Variants in RIF1 observed in about 807,000 individuals in gnomAD.
The protein encoded by RIF1 is replication timing regulatory factor 1, also known as telomere-associated protein RIF1.
RIF1 carries 45 observed loss-of-function variants against 247.1 expected under a neutral mutation model. The ratio of observed to expected loss-of-function variants is 0.18; its 90% CI spans 0.14 to 0.23. The LOEUF is 0.23. Among genes scored for constraint, RIF1 ranks in the 10% least tolerant of loss-of-function variants. The pLI is 1.00. For missense variants in RIF1, 2,967 were observed against 2,862.5 expected (o/e 1.04, Z -0.83); for synonymous variants, 1,087 against 978.8 (o/e 1.11, Z -2.06).
At chr2:151,421,061 ATTAC>A (rs1688084422) in intron 7 of RIF1, among the ~76,000 whole-genome samples, 2 of 152,208 alleles carry the variant, frequency 1.3e-5, no homozygotes. Context: ...TTTTCTAGTT[ATTAC>A]TTGCCACAGG....
rs775183300 is a variant in RIF1, at chr2:151,464,496, A to G, written c.4976A>G (p.Tyr1659Cys). The G allele has an allele frequency of 6.2e-7, 1 of 1,612,634 alleles. No homozygotes were observed. Among genetic ancestry groups the G allele is most frequent in the East Asian group, 2.2e-5 (1 of 44,858 alleles). The change falls in exon 30 of 36, where the codon TAT (tyrosine) becomes TGT (cysteine). Residue 1659 changes from tyrosine (Y) to cysteine (C), a missense_variant. Coordinates refer to ENST00000444746, the MANE Select transcript of RIF1 (RefSeq NM_018151.5). ...VCEEKNETSK[Y>C]AEYSFTSLPV... ...GAGGAAAAAAATGAAACTAGCAAAT[A>G]TGCAGAATATTCCTTTACAAGTCTA...
At chr2:151,413,102 A>T (rs939033631) in intron 3 of RIF1, among the ~76,000 whole-genome samples, 2 of 151,450 alleles carry the variant, frequency 1.3e-5, no homozygotes, top group Non-Finnish European at 2.9e-5. Flanking sequence ...CTGGAGTGCA[A>T]TGGCTTGAAC....
rs1324933272 is a variant in RIF1 at position 151,410,454 on chromosome 2, C to T, written c.31C>T (p.Pro11Ser). 2 of 1,614,018 alleles carry T rather than the reference C, an allele frequency of 1.2e-6. No homozygotes were observed. Among genetic ancestry groups the T allele is most frequent in the African/African-American group, 1.3e-5 (1 of 75,052 alleles). MTARGQSPLA[P>S]LLETLEDPSA... Reference sequence around the variant, plus strand: ...GGCCAGGGGTCAGAGCCCCCTCGCGCCGCTGTTGGAGACTTTGGAAGACCC... The same window carrying T: ...GGCCAGGGGTCAGAGCCCCCTCGCGTCGCTGTTGGAGACTTTGGAAGACCC... The change falls in exon 2 of 36, where the codon CCG becomes TCG. Residue 11 changes from proline (P) to serine (S), a missense_variant. This residue lies in a region of RIF1 where 269 missense variants were observed against 288.6 expected (regional missense o/e 0.93). Coordinates refer to ENST00000444746, the MANE Select transcript of RIF1 (RefSeq NM_018151.5).
At position 151,463,995 on chromosome 2, in the gene RIF1, A is replaced by G; in HGVS notation, c.4475A>G (p.Glu1492Gly). 1 of 1,607,988 alleles carries G rather than the reference A, an allele frequency of 6.2e-7. No homozygotes were observed. Among genetic ancestry groups the G allele is most frequent in the Non-Finnish European group, 8.5e-7 (1 of 1,178,572 alleles). The change falls in exon 30 of 36, where the codon GAA (glutamate) becomes GGA (glycine). Residue 1492 changes from glutamate to glycine, a missense_variant. By Grantham distance (98) the Glu-to-Gly change is moderately conservative (BLOSUM62 -2). Around this residue, in one of 7 missense-constraint regions of RIF1, gnomAD observed 2,028 missense variants for 1,825.6 expected, o/e 1.11. Transcript: ENST00000444746. ...GSNLHEKTLG[E>G]TSANAETEQN... ...AATTTACATGAGAAGACTCTTGGGG[A>G]AACTAGTGCTAATGCAGAAACTGAA...
chr2:151,456,177 C>T (rs538335495), intron 22 of RIF1, among the ~76,000 whole-genome samples: 1 of 152,242 alleles, frequency 6.6e-6, no homozygotes, highest in South Asian at 2.1e-4. Flanking sequence ...GTGGTTCATT[C>T]AGAAGACAGT....
Position 151,461,189 on chromosome 2 carries a change from G to A in RIF1, c.3127G>A (p.Glu1043Lys). 1 of 1,613,162 alleles carries A rather than the reference G, an allele frequency of 6.2e-7. No individual in the cohort carries two copies. Among genetic ancestry groups the A allele is most frequent in the South Asian group, 1.1e-5 (1 of 90,890 alleles). The change falls in exon 27 of 36, where the codon GAG becomes AAG. Residue 1043 changes from glutamate to lysine, a missense_variant. Coordinates refer to ENST00000444746, the MANE Select transcript of RIF1 (RefSeq NM_018151.5). ...AGTAAAGGGTGAAATTCTTTTGGAAGAGGAAAAGTCTACTGACTTTGTGTT... is the reference window on the plus strand; with the variant it reads ...AGTAAAGGGTGAAATTCTTTTGGAAAAGGAAAAGTCTACTGACTTTGTGTT... ...LKVKGEILLEEEKSTDFVFIP... is the reference protein window; with the variant it reads ...LKVKGEILLEKEKSTDFVFIP...
intron 20 of RIF1, among the ~76,000 whole-genome samples, chr2:151,448,192 C>T (rs376179354): frequency 6.6e-6 from 1 of 151,716 alleles, no homozygotes; most frequent in South Asian, 2.1e-4. Context: ...TACAGGTGTG[C>T]ACCACCATGC....
Position 151,464,523 on chromosome 2 carries a change from C to A in RIF1, c.5003C>A (p.Pro1668His). ...KYAEYSFTSLPVPESNLRTRN... is the reference protein window; with the variant it reads ...KYAEYSFTSLHVPESNLRTRN... ...GCAGAATATTCCTTTACAAGTCTAC[C>A]TGTGCCAGAATCAAATCTAAGGACT... The change falls in exon 30 of 36, where the codon CCT (proline) becomes CAT (histidine). Residue 1668 changes from proline to histidine, a missense_variant. By Grantham distance (77) the Pro-to-His change is moderately conservative. This residue lies in a region of RIF1 where 2,028 missense variants were observed against 1,825.6 expected (regional missense o/e 1.11). Coordinates refer to ENST00000444746, the MANE Select transcript of RIF1 (RefSeq NM_018151.5). 6.2e-7 allele frequency: 1 copy of A among 1,612,004 alleles called. No individual in the cohort carries two copies. Among genetic ancestry groups the A allele is most frequent in the South Asian group, 1.1e-5 (1 of 90,412 alleles).
At chr2:151,525,237 T>A in the RIF1 span, 1 of 1,613,958 alleles carries the variant, frequency 6.2e-7, no homozygotes, top group Non-Finnish European at 8.5e-7. Flanking sequence ...TAGTTGGATT[T>A]TCCTTTCTCC....
intron 8 of RIF1, among the ~76,000 whole-genome samples, chr2:151,427,330 C>G (rs1008957582): frequency 2.0e-5 from 3 of 151,832 alleles, no homozygotes; most frequent in Non-Finnish European, 4.4e-5. Context: ...CCTGTCTCAG[C>G]CTCCCGAGTA....
chr2:151,444,316 TTTG>T (rs1002752353), intron 18 of RIF1, among the ~76,000 whole-genome samples: 2 of 152,266 alleles, frequency 1.3e-5, no homozygotes, highest in Admixed American at 6.5e-5. Flanking sequence ...TTTTGTTGTT[TTTG>T]TTGTTGTTGA....
intron 4 of RIF1, among the ~76,000 whole-genome samples, chr2:151,415,891 A>G (rs1687141473): frequency 6.6e-6 from 1 of 152,132 alleles, no homozygotes; most frequent in South Asian, 2.1e-4. Flanking sequence ...AATCAAATGA[A>G]AAGGGTATTT....
rs1210879554 is a variant in RIF1 at position 151,480,130 on chromosome 2, A to G, written c.*5059A>G. On this transcript the variant is annotated 3_prime_UTR_variant, in exon 36 of 36. Transcript: ENST00000444746. ...TTCTCCAAAGAACAGTTAAAACCAA[A>G]TGTGTTATGGTAAGCTGTAAATACC... 5.3e-5 allele frequency: 8 copies of G among 152,176 alleles called. No homozygotes were observed. The highest frequency in any genetic ancestry group is 1.2e-4 in the Non-Finnish European group (8 of 68,006). 9.4% of individuals were successfully genotyped at this position (152,176 alleles called of 1,614,324 possible). A position where few individuals can be genotyped will look rare whatever the true frequency, so the allele number is the denominator to read the frequency against.
At chr2:151,412,556 C>A (rs180974908) in intron 3 of RIF1, among the ~76,000 whole-genome samples, 24 of 152,206 alleles carry the variant, frequency 1.6e-4, no homozygotes, top group African/African-American at 5.1e-4. Flanking sequence ...GGCACAATCT[C>A]AGCTCACTGC....
At chr2:151,522,992 T>C in the RIF1 span, among the ~76,000 whole-genome samples, 1 of 152,176 alleles carries the variant, frequency 6.6e-6, no homozygotes, top group Non-Finnish European at 1.5e-5. Flanking sequence ...CTCCATACCA[T>C]AGGATTCACT....
Position 151,464,010 on chromosome 2 carries a change from C to A in RIF1, c.4490C>A (p.Ala1497Glu). 1.2e-6 allele frequency: 2 copies of A among 1,609,660 alleles called. No individual in the cohort carries two copies. The highest frequency in any genetic ancestry group is 2.2e-5 in the South Asian group (2 of 90,142). Residue 1497 changes from alanine (A) to glutamate (E), a missense_variant, in exon 30 of 36, where the codon GCA (alanine) becomes GAA (glutamate). Physicochemically the swap from Ala to Glu is moderately radical, Grantham distance 107. Around this residue, in one of 7 missense-constraint regions of RIF1, gnomAD observed 2,028 missense variants for 1,825.6 expected, o/e 1.11. Coordinates refer to ENST00000444746, the MANE Select transcript of RIF1 (RefSeq NM_018151.5). ...EKTLGETSAN[A>E]ETEQNKKKAD... ...ACTCTTGGGGAAACTAGTGCTAATG[C>A]AGAAACTGAACAAAATAAAAAAAAG...
At chr2:151,462,793 G>A (rs1055113401) in intron 29 of RIF1, 91 bp from the exon 30 acceptor site, 45 of 941,772 alleles carry the variant, frequency 4.8e-5, no homozygotes, top group Non-Finnish European at 6.7e-5. Context: ...TTGGGTTACC[G>A]AAGTTTTACA....
chr2:151,454,874 T>A (rs1201127433), intron 21 of RIF1, 21 bp from the exon 22 acceptor site: 1 of 1,536,316 alleles, frequency 6.5e-7, no homozygotes, highest in Non-Finnish European at 8.8e-7. Flanking sequence ...AGTTTTTAAT[T>A]AATTCAGTTT....
chr2:151,531,757 A>C, the RIF1 span: 1 of 1,486,616 alleles, frequency 6.7e-7, no homozygotes, highest in Non-Finnish European at 9.3e-7. Flanking sequence ...ATGCCCCCTG[A>C]GTTTGAGAAG....
Sources: allele counts gnomAD v4.1 joint callset (sites outside exome capture counted in the v4.1 genomes callset), GRCh38; gene constraint gnomAD v4.1.1; regional missense constraint gnomAD v4.1.1; transcripts MANE v1.5; gene names NCBI Gene and HGNC (gene_info 2026-07-23, HGNC 2026-07-21).